CDK14: variants seen among roughly 807,000 people sequenced by gnomAD.
CDK14 encodes the protein cyclin-dependent kinase 14.
A neutral mutation model predicts 60.7 loss-of-function variants in CDK14; 34 were observed. The ratio of observed to expected loss-of-function variants is 0.56; its 90% confidence interval spans 0.43 to 0.75. The LOEUF is 0.75. Among genes scored for constraint, CDK14 ranks in the 30% least tolerant of loss-of-function variants. The pLI is 0.00. For synonymous variants in CDK14, 197 were observed against 203.7 expected (o/e 0.97, Z 0.28); for missense variants, 482 against 564.1 (o/e 0.85, Z 1.47).
chr7:90,991,928 C>G (rs1272321486), intron 10 of CDK14, among the ~76,000 whole-genome samples: 2 of 152,056 alleles, frequency 1.3e-5, no homozygotes, highest in Admixed American at 1.3e-4. Context: ...GTTGAAAAAC[C>G]CTGGACTAAT....
At chr7:90,788,470 A>T (rs1274909143) in intron 4 of CDK14, among the ~76,000 whole-genome samples, 1 of 152,246 alleles carries the variant, frequency 6.6e-6, no homozygotes, top group East Asian at 1.9e-4. Context: ...TACTCAGGAG[A>T]AGAAGTTGCA....
intron 14 of CDK14, among the ~76,000 whole-genome samples, chr7:91,189,686 G>T (rs567672579): frequency 1.3e-5 from 2 of 152,062 alleles, no homozygotes; most frequent in African/African-American, 4.8e-5. Context: ...AAAGAGTGTC[G>T]ATGTATCCAG....
intron 5 of CDK14, among the ~76,000 whole-genome samples, chr7:90,805,368 C>T (rs536116859): frequency 2.0e-4 from 31 of 151,958 alleles, no homozygotes; most frequent in East Asian, 7.7e-4. Context: ...AAAAAATGTT[C>T]GTTACAAAAG....
At chr7:90,702,068 C>A (rs982497904) in intron 2 of CDK14, among the ~76,000 whole-genome samples, 4 of 152,150 alleles carry the variant, frequency 2.6e-5, no homozygotes, top group Admixed American at 2.6e-4. Flanking sequence ...TTGTCTGTTC[C>A]TGGATAAGGT....
intron 4 of CDK14, among the ~76,000 whole-genome samples, chr7:90,787,069 A>G (rs1805615401): frequency 6.6e-6 from 1 of 152,210 alleles, no homozygotes; most frequent in South Asian, 2.1e-4. Flanking sequence ...TTTAGAACTG[A>G]GAGACTCAGT....
At chr7:91,110,829 A>G (rs900199735) in intron 12 of CDK14, among the ~76,000 whole-genome samples, 4 of 152,232 alleles carry the variant, frequency 2.6e-5, no homozygotes, top group African/African-American at 9.6e-5. Context: ...CACCATAATT[A>G]ACTATGAACT....
At chr7:90,674,568 AT>A (rs1801160555) in intron 2 of CDK14, among the ~76,000 whole-genome samples, 1 of 152,234 alleles carries the variant, frequency 6.6e-6, no homozygotes, top group Non-Finnish European at 1.5e-5. Flanking sequence ...ATATTTGGAA[AT>A]GGGAATGTAG....
intron 12 of CDK14, among the ~76,000 whole-genome samples, chr7:91,108,393 A>T (rs803053): frequency 0.57 from 86,267 of 152,146 alleles, 26,136 homozygotes; most frequent in East Asian, 0.82. Flanking sequence ...ATCATGCAGT[A>T]TTGAGTTATG....
intron 5 of CDK14, among the ~76,000 whole-genome samples, chr7:90,834,548 T>G (rs556727938): frequency 7.2e-5 from 11 of 152,286 alleles, no homozygotes; most frequent in Non-Finnish European, 1.6e-4. Context: ...AGCATAAGTT[T>G]TAAAAGAGTA....
intron 6 of CDK14, among the ~76,000 whole-genome samples, chr7:90,896,341 A>C (rs1354547324): frequency 6.6e-6 from 1 of 151,856 alleles, no homozygotes; most frequent in African/African-American, 2.4e-5. Flanking sequence ...TCTCTCTTCA[A>C]CTGATTTTCT....
chr7:91,046,582 A>C (rs1232663947), intron 11 of CDK14, among the ~76,000 whole-genome samples: 2 of 152,164 alleles, frequency 1.3e-5, no homozygotes, highest in Non-Finnish European at 2.9e-5. Flanking sequence ...TAACAGATGA[A>C]TCTCAAATAT....
intron 10 of CDK14, among the ~76,000 whole-genome samples, chr7:90,992,110 C>T (rs1348967969): frequency 6.6e-6 from 1 of 152,168 alleles, no homozygotes; most frequent in African/African-American, 2.4e-5. Context: ...TTCTATGCTT[C>T]TAAGCGAATG....
At chr7:91,169,345 C>T (rs1801443175) in intron 14 of CDK14, among the ~76,000 whole-genome samples, 1 of 152,216 alleles carries the variant, frequency 6.6e-6, no homozygotes, top group South Asian at 2.1e-4. Context: ...TCACCCCTCA[C>T]ACTGGTTCTG....
chr7:90,863,936 G>A (rs1448258745), intron 6 of CDK14, among the ~76,000 whole-genome samples: 3 of 152,062 alleles, frequency 2.0e-5, no homozygotes, highest in Non-Finnish European at 2.9e-5. Context: ...CTGTGGAATC[G>A]TGAAATGTAA....
intron 14 of CDK14, among the ~76,000 whole-genome samples, chr7:91,156,773 G>T (rs1464694717): frequency 2.6e-5 from 4 of 152,156 alleles, no homozygotes; most frequent in Non-Finnish European, 5.9e-5. Flanking sequence ...CTCTGCATTT[G>T]AAACCATTTT....
chr7:90,735,110 A>G (rs1412576714), intron 3 of CDK14, among the ~76,000 whole-genome samples: 2 of 151,996 alleles, frequency 1.3e-5, no homozygotes, highest in Non-Finnish European at 2.9e-5. Flanking sequence ...TCCAGTCTAG[A>G]CCCTGTTTGC....
chr7:91,176,906 C>T (rs1178145554), intron 14 of CDK14, among the ~76,000 whole-genome samples: 2 of 152,172 alleles, frequency 1.3e-5, no homozygotes, highest in African/African-American at 4.8e-5. Context: ...ACCATTCCTT[C>T]TGAAACTATT....
intron 2 of CDK14, among the ~76,000 whole-genome samples, chr7:90,649,382 CTTCCTTCCTTCCTTCTTTCT>C (rs1563030100): frequency 3.4e-5 from 2 of 59,118 alleles, no homozygotes; most frequent in South Asian, 6.6e-4. Flanking sequence ...TCCTTCCTTC[CTTCCTTCCTTCCTTCTTTCT>C]TTCTTTCTTT....
intron 14 of CDK14, among the ~76,000 whole-genome samples, chr7:91,147,456 A>G (rs574163231): frequency 6.6e-6 from 1 of 152,184 alleles, no homozygotes; most frequent in Non-Finnish European, 1.5e-5. Context: ...CATTCTCCCC[A>G]GCCCCATGTT....
Sources: allele counts gnomAD v4.1 joint callset (sites outside exome capture counted in the v4.1 genomes callset), GRCh38; gene constraint gnomAD v4.1.1; transcripts MANE v1.5; gene names NCBI Gene and HGNC (gene_info 2026-07-23, HGNC 2026-07-21).